The following EEPD1 variants were observed in gnomAD, a reference collection of about 807,000 sequenced individuals.
The protein encoded by EEPD1 is endonuclease/exonuclease/phosphatase family domain containing 1.
A neutral mutation model predicts 46.3 loss-of-function variants in EEPD1; 17 were observed. The observed-to-expected ratio is 0.37, with a 90% CI of 0.25 to 0.55. EEPD1 has a LOEUF of 0.55. Ranked by LOEUF, EEPD1 falls within the 20% of genes least tolerant of loss-of-function variation. The probability of loss-of-function intolerance (pLI) is 0.83; values close to 1 mark genes in which losing one functional copy is unlikely to be tolerated. For missense variants in EEPD1, 673 were observed against 745.6 expected, an observed-to-expected ratio of 0.90 and a Z score of 1.13; for synonymous variants, 313 against 315.6, an observed-to-expected ratio of 0.99 and a Z score of 0.09.
chr7:36,198,810 C>T (rs1785660019), intron 2 of EEPD1, among the ~76,000 whole-genome samples: 1 of 152,100 alleles, frequency 6.6e-6, no homozygotes, highest in African/African-American at 2.4e-5. Context: ...TGTGGGTGTG[C>T]CAGCCACGGT....
At chr7:36,197,020 C>T (rs1286134441) in intron 2 of EEPD1, among the ~76,000 whole-genome samples, 1 of 150,104 alleles carries the variant, frequency 6.7e-6, no homozygotes, top group African/African-American at 2.5e-5. Flanking sequence ...GCCTCTGCCC[C>T]GCCGCCCCGT....
chr7:36,286,083 C>T (rs1417470606), intron 5 of EEPD1, among the ~76,000 whole-genome samples: 3 of 152,120 alleles, frequency 2.0e-5, no homozygotes, highest in African/African-American at 7.2e-5. Context: ...GTGTTGGCCA[C>T]CTGGGGTTAT....
chr7:36,289,614 C>A (rs1196500182), intron 6 of EEPD1, among the ~76,000 whole-genome samples: 3 of 152,244 alleles, frequency 2.0e-5, no homozygotes, highest in Non-Finnish European at 2.9e-5. Context: ...CCTGCCTCAG[C>A]CTCCCGAGTA....
At chr7:36,194,841 G>T (rs1207716240) in intron 2 of EEPD1, among the ~76,000 whole-genome samples, 1 of 152,218 alleles carries the variant, frequency 6.6e-6, no homozygotes, top group Non-Finnish European at 1.5e-5. Flanking sequence ...ATATGTCCCT[G>T]AGTGTGCCAG....
chr7:36,268,152 TTTG>T (rs924556170), intron 3 of EEPD1, among the ~76,000 whole-genome samples: 11 of 152,042 alleles, frequency 7.2e-5, no homozygotes, highest in Admixed American at 2.6e-4. Context: ...TGTTAAGTGT[TTTG>T]TTGTTGTTGT....
intron 6 of EEPD1, among the ~76,000 whole-genome samples, 179 bp downstream of exon 6, chr7:36,287,956 C>T (rs1020199747): frequency 3.9e-5 from 6 of 152,228 alleles, no homozygotes; most frequent in African/African-American, 1.4e-4. Flanking sequence ...ACGGCCACAT[C>T]TGTGCCTCTG....
intron 4 of EEPD1, among the ~76,000 whole-genome samples, chr7:36,283,172 C>T (rs567085952): frequency 4.8e-4 from 73 of 152,296 alleles, no homozygotes; most frequent in African/African-American, 1.7e-3. Context: ...GAGCCCAGTT[C>T]ACTCTCTCTG....
chr7:36,198,862 G>T (rs1222167592), intron 2 of EEPD1, among the ~76,000 whole-genome samples: 1 of 151,976 alleles, frequency 6.6e-6, no homozygotes, highest in Non-Finnish European at 1.5e-5. Flanking sequence ...CACCTGTCTT[G>T]GGGGGCCCGA....
At chr7:36,185,190 G>A (rs935975251) in intron 2 of EEPD1, among the ~76,000 whole-genome samples, 1 of 152,204 alleles carries the variant, frequency 6.6e-6, no homozygotes, top group African/African-American at 2.4e-5. Flanking sequence ...TTCACCACAG[G>A]TGTCTGTATC....
intron 2 of EEPD1, among the ~76,000 whole-genome samples, chr7:36,174,408 G>A (rs1785142053): frequency 6.6e-6 from 1 of 152,174 alleles, no homozygotes; most frequent in African/African-American, 2.4e-5. Context: ...ACATGATGCT[G>A]GTAAAAGAGG....
chr7:36,219,600 A>G (rs1489301230), intron 2 of EEPD1, among the ~76,000 whole-genome samples: 1 of 148,826 alleles, frequency 6.7e-6, no homozygotes, highest in Non-Finnish European at 1.5e-5. Context: ...AAGAAGAAGG[A>G]GGAAGAGGAA....
intron 2 of EEPD1, among the ~76,000 whole-genome samples, chr7:36,168,903 A>G (rs1717073052): frequency 1.3e-5 from 2 of 152,170 alleles, no homozygotes; most frequent in African/African-American, 4.8e-5. Flanking sequence ...AAGTCATCTG[A>G]TTCAATTTGA....
intron 3 of EEPD1, 101 bp downstream of exon 3, chr7:36,239,137 A>G (rs745708250): frequency 2.1e-5 from 24 of 1,151,152 alleles, no homozygotes; most frequent in Non-Finnish European, 2.9e-5. Flanking sequence ...CCCTACTGAA[A>G]AGACGGTCAG....
intron 2 of EEPD1, among the ~76,000 whole-genome samples, chr7:36,210,594 G>A (rs1373982892): frequency 1.3e-5 from 2 of 152,150 alleles, no homozygotes; most frequent in Admixed American, 6.5e-5. Flanking sequence ...CCTTCCCTGG[G>A]ACCTGTGTGG....
intron 2 of EEPD1, among the ~76,000 whole-genome samples, chr7:36,162,781 T>C (rs1784920535): frequency 1.3e-5 from 2 of 152,256 alleles, no homozygotes; most frequent in East Asian, 3.8e-4. Flanking sequence ...AGCCGTTACC[T>C]GATTAAGCTG....
chr7:36,246,705 A>G (rs1018671217), intron 3 of EEPD1, among the ~76,000 whole-genome samples: 5 of 151,978 alleles, frequency 3.3e-5, no homozygotes, highest in Non-Finnish European at 5.9e-5. Context: ...TTTTTTTAGA[A>G]TTTCAGCTTT....
Position 36,154,729 on chromosome 7 carries a change from A to G in EEPD1, c.405A>G (p.Pro135=). Residue 135 remains proline, a synonymous_variant, in exon 2 of 8, where the codon CCA becomes CCG. Transcript: ENST00000242108. This position sits in a 1 kb window ranked among gnomAD's most constrained non-coding sequence, Gnocchi z 4.2. ...HHLATAVPLT[P]RVNINTATPA... is the part of the protein sequence containing the mutation. The stretch of plus-strand genomic sequence containing the variant: ...TGGCCACAGCTGTGCCCCTCACCCC[A>G]CGTGTTAACATCAACACAGCCACCC... 6.2e-7 allele frequency: 1 copy of G among 1,613,896 alleles called. No homozygotes were observed. Among genetic ancestry groups the G allele is most frequent in the South Asian group, 1.1e-5 (1 of 91,070 alleles).
intron 3 of EEPD1, among the ~76,000 whole-genome samples, chr7:36,266,887 T>C (rs975663234): frequency 6.6e-6 from 1 of 152,226 alleles, no homozygotes; most frequent in African/African-American, 2.4e-5. Context: ...TCAAGGTTCA[T>C]CCATGTATCA....
intron 2 of EEPD1, among the ~76,000 whole-genome samples, chr7:36,186,321 T>C (rs1785359828): frequency 6.6e-6 from 1 of 152,168 alleles, no homozygotes; most frequent in Admixed American, 6.5e-5. Flanking sequence ...CAATAAACGA[T>C]GGGAATGGCC....
Sources: allele counts gnomAD v4.1 joint callset (sites outside exome capture counted in the v4.1 genomes callset), GRCh38; gene constraint gnomAD v4.1.1; non-coding constraint Gnocchi (gnomAD v3.1); transcripts MANE v1.5; gene names NCBI Gene and HGNC (gene_info 2026-07-23, HGNC 2026-07-21).